WNT2B: variants seen among roughly 807,000 people sequenced by gnomAD.
WNT2B encodes the protein protein Wnt-2b.
Under a neutral mutation model 40.5 loss-of-function variants are expected in WNT2B, and 19 were observed. That is an observed-to-expected ratio of 0.47 (90% CI 0.33 to 0.69). The LOEUF is 0.69. Ranked by LOEUF, WNT2B falls within the 30% of genes least tolerant of loss-of-function variation. The probability of loss-of-function intolerance (pLI) is 0.02; values close to 1 mark genes in which losing one functional copy is unlikely to be tolerated. For missense variants in WNT2B, 467 were observed against 556.4 expected (o/e 0.84, Z 1.62); for synonymous variants, 220 against 211.9 (o/e 1.04, Z -0.33).
At chr1:112,484,590 A>T (rs1185972859) in intron 1 of WNT2B, among the ~76,000 whole-genome samples, 2 of 151,536 alleles carry the variant, frequency 1.3e-5, no homozygotes, top group Non-Finnish European at 2.9e-5. Context: ...AAAATTTTTT[A>T]AATTTAAATT....
chr1:112,505,253 C>T (rs573241868), upstream of WNT2B, among the ~76,000 whole-genome samples: 4 of 152,364 alleles, frequency 2.6e-5, no homozygotes, highest in Admixed American at 2.0e-4. Context: ...CAGGTCTCTA[C>T]TGATACTGTT....
At position 112,484,290 on chromosome 1, in the gene WNT2B, T is replaced by TATACACATATATATATATATATAC. The variant is rs1294363726; in HGVS notation, c.-95+16700_-95+16701insTACACATATATATATATATATACA. ...ATATACACATATATATATATATATA[T>TATACACATATATATATATATATAC]ACACACACATATATATAGAGAGAGA... On this transcript the variant is annotated intron_variant, in intron 1 of 4. Coordinates refer to the WNT2B transcript ENST00000256640. Among the ~76,000 whole-genome samples, 751 of 125,550 alleles carry TATACACATATATATATATATATAC rather than the reference T, an allele frequency of 6.0e-3. 27 individuals carry two copies. The highest frequency in any genetic ancestry group is 0.024 in the African/African-American group (708 of 29,200). 82.4% of individuals were successfully genotyped at this position (125,550 alleles called of 152,430 possible). A position where few individuals can be genotyped will look rare whatever the true frequency, so the allele number is the denominator to read the frequency against.
At chr1:112,484,268 T>C (rs12027317) in intron 1 of WNT2B, among the ~76,000 whole-genome samples, 5 of 61,130 alleles carry the variant, frequency 8.2e-5, no homozygotes, top group Non-Finnish European at 1.5e-4. Context: ...CATATATATA[T>C]ACACATATAT....
At chr1:112,516,557 G>A (rs1652555363) in intron 3 of WNT2B, 140 bp downstream of exon 3, 1 of 1,204,966 alleles carries the variant, frequency 8.3e-7, no homozygotes, top group Non-Finnish European at 1.1e-6. Context: ...CCTGGGACAG[G>A]AGAACTAAAT....
Position 112,509,012 on chromosome 1 carries a change from C to A in WNT2B, c.-251C>A, listed in dbSNP as rs536701209. On this transcript the variant is annotated 5_prime_UTR_variant, in exon 1 of 5. Coordinates refer to ENST00000369684, the MANE Select transcript of WNT2B (RefSeq NM_024494.3). The surrounding 1 kb of genome is among the most constrained non-coding windows in gnomAD (Gnocchi z 4.2). The stretch of plus-strand genomic sequence containing the variant: ...TTCAGCGCCGCAGACCCCCTGACAC[C>A]GCACCCGGTCCTCAGGCAGCGCGCC... 1,839 of 1,343,934 alleles carry A rather than the reference C, an allele frequency of 1.4e-3. 10 individuals carry two copies. Among genetic ancestry groups the A allele is most frequent in the Non-Finnish European group, 9.2e-4 (968 of 1,056,964 alleles). 83.3% of individuals were successfully genotyped at this position (1,343,934 alleles called of 1,614,324 possible).
exon 1 of WNT2B, chr1:112,467,025 C>A: frequency 6.4e-6 from 1 of 155,446 alleles, no homozygotes; most frequent in Non-Finnish European, 1.4e-5. Context: ...ATAAATAGAG[C>A]AACAAGCTGT....
chr1:112,482,361 A>G (rs1353657073), intron 1 of WNT2B, among the ~76,000 whole-genome samples: 1 of 152,132 alleles, frequency 6.6e-6, no homozygotes, highest in Non-Finnish European at 1.5e-5. Flanking sequence ...TTTGAGACAG[A>G]GCCTTGCTCT....
In WNT2B at chr1:112,509,340, G is replaced by T. The variant is rs377064373; in HGVS notation, c.78G>T (p.Ser26=). 2.5e-6 allele frequency: 4 copies of T among 1,591,120 alleles called. No individual in the cohort carries two copies. The highest frequency in any genetic ancestry group is 3.4e-6 in the Non-Finnish European group (4 of 1,175,502). The stretch of plus-strand genomic sequence containing the variant: ...CCAGCGCCCCGGTCCCTGTGCCGTC[G>T]CCCGCGGCCCCCGACGGCTCCCGGG... ...RRASAPVPVP[S]PAAPDGSRAS... Residue 26 remains serine (S), a synonymous_variant, in exon 1 of 5, where the codon TCG becomes TCT. Coordinates refer to ENST00000369684, the MANE Select transcript of WNT2B (RefSeq NM_024494.3). This position sits in a 1 kb window ranked among gnomAD's most constrained non-coding sequence, Gnocchi z 4.2.
intron 4 of WNT2B, chr1:112,518,580 C>T (rs977226395): frequency 6.6e-6 from 1 of 152,178 alleles, no homozygotes; most frequent in Non-Finnish European, 1.5e-5. Context: ...AGTATACTTT[C>T]CTCCCACTTG....
At chr1:112,489,394 A>T (rs1330133151) in intron 1 of WNT2B, among the ~76,000 whole-genome samples, 2 of 151,948 alleles carry the variant, frequency 1.3e-5, no homozygotes, top group Non-Finnish European at 2.9e-5. Context: ...GCCCATCTCT[A>T]CTAAAAATAC....
intron 1 of WNT2B, among the ~76,000 whole-genome samples, chr1:112,487,992 A>T (rs901592075): frequency 2.0e-5 from 3 of 147,840 alleles, no homozygotes; most frequent in East Asian, 2.0e-4. Flanking sequence ...CATATAAAAA[A>T]TTTTTTAAAA....
chr1:112,485,251 A>C (rs1046191202), intron 1 of WNT2B, among the ~76,000 whole-genome samples: 7 of 152,240 alleles, frequency 4.6e-5, no homozygotes, highest in Non-Finnish European at 8.8e-5. Flanking sequence ...ACCTGAGGTC[A>C]GGAGTTTGAG....
chr1:112,512,031 G>T (rs1033782597), intron 1 of WNT2B, among the ~76,000 whole-genome samples: 1 of 152,006 alleles, frequency 6.6e-6, no homozygotes, highest in Non-Finnish European at 1.5e-5. Flanking sequence ...TTCTATATGT[G>T]CTGGGCTGAA....
At chr1:112,467,754 C>A (rs1011549356) in intron 1 of WNT2B, among the ~76,000 whole-genome samples, 1 of 152,172 alleles carries the variant, frequency 6.6e-6, no homozygotes, top group Admixed American at 6.5e-5. Context: ...ATGGTCAAGT[C>A]AGGATATTTG....
upstream of WNT2B, among the ~76,000 whole-genome samples, chr1:112,505,066 A>T (rs1652069736): frequency 6.6e-6 from 1 of 152,244 alleles, no homozygotes; most frequent in Admixed American, 6.5e-5. Context: ...GCATAAGGTG[A>T]CATCAAGGGT....
In WNT2B at chr1:112,515,855, A is replaced by C. The variant is rs761239043; in HGVS notation, c.404-285A>C. Among the ~76,000 whole-genome samples, 13 of 152,316 alleles carry C rather than the reference A, an allele frequency of 8.5e-5. No individual in the cohort carries two copies. Among genetic ancestry groups the C allele is most frequent in the Middle Eastern group, 3.4e-3 (1 of 294 alleles). ...GGGATGATTCACCAGGAGACTTTTC[A>C]ATGGATGGACACAGGGAATTTGGCA... On this transcript the variant is annotated intron_variant, in intron 2 of 4. Transcript: ENST00000369684. The surrounding 1 kb of genome is among the most constrained non-coding windows in gnomAD (Gnocchi z 4.4).
Position 112,525,388 on chromosome 1 carries a change from G to A in WNT2B, c.*4879G>A, listed in dbSNP as rs976922107. On this transcript the variant is annotated 3_prime_UTR_variant, in exon 5 of 5. Transcript: ENST00000369684. ...TTCTTTGGGTGATTGGCAGGTATAG[G>A]GCAATAGCCAGTGGGGTGTCAGTAA... is the stretch of plus-strand genomic sequence containing the variant. The A allele has an allele frequency of 6.6e-6, 1 of 152,216 alleles. No individual in the cohort carries two copies. The highest frequency in any genetic ancestry group is 1.5e-5 in the Non-Finnish European group (1 of 68,088). 9.4% of individuals were successfully genotyped at this position (152,216 alleles called of 1,614,324 possible). A position where few individuals can be genotyped will look rare whatever the true frequency, so the allele number is the denominator to read the frequency against.
chr1:112,491,971 A>C (rs1203767138), intron 1 of WNT2B, among the ~76,000 whole-genome samples: 1 of 152,204 alleles, frequency 6.6e-6, no homozygotes, highest in African/African-American at 2.4e-5. Flanking sequence ...TTTCATCATC[A>C]TGGGAGTGAG....
chr1:112,511,283 G>T (rs530651220), intron 1 of WNT2B, among the ~76,000 whole-genome samples: 18 of 152,188 alleles, frequency 1.2e-4, no homozygotes, highest in Non-Finnish European at 2.1e-4. Context: ...TGACTTAGCA[G>T]CCCCTGTGAA....
Sources: allele counts gnomAD v4.1 joint callset (sites outside exome capture counted in the v4.1 genomes callset), GRCh38; gene constraint gnomAD v4.1.1; non-coding constraint Gnocchi (gnomAD v3.1); transcripts MANE v1.5; gene names NCBI Gene and HGNC (gene_info 2026-07-23, HGNC 2026-07-21).